Variants in RIOK1 observed in about 807,000 individuals in gnomAD.
RIOK1 encodes serine/threonine-protein kinase RIO1.
In RIOK1, 66 loss-of-function variants were observed where a neutral mutation model predicts 73.5. The observed-to-expected ratio is 0.90, with a 90% CI of 0.74 to 1.10. The LOEUF (loss-of-function observed/expected upper bound fraction) is 1.10, where lower values mean the gene tolerates loss of function less well. Ranked by LOEUF, RIOK1 falls within the 50% of genes least tolerant of loss-of-function variation. The probability of loss-of-function intolerance (pLI) is 0.00; values close to 1 mark genes in which losing one functional copy is unlikely to be tolerated. For synonymous variants in RIOK1, 224 were observed against 226.8 expected (o/e 0.99, Z 0.11); for missense variants, 658 against 699.8 (o/e 0.94, Z 0.67).
intron 1 of RIOK1, 129 bp from the exon 2 acceptor site, chr6:7,392,970 G>A: frequency 7.5e-7 from 1 of 1,326,070 alleles, no homozygotes; most frequent in Non-Finnish European, 9.7e-7. Context: ...TTATCGGAAG[G>A]TGTATTTTAT....
chr6:7,395,076 C>T lies in RIOK1; in HGVS notation c.300C>T (p.Ser100=). 1.9e-6 allele frequency: 3 copies of T among 1,613,864 alleles called. No homozygotes were observed. The highest frequency in any genetic ancestry group is 2.5e-6 in the Non-Finnish European group (3 of 1,179,788). The change falls in exon 3 of 17, where the codon AGC becomes AGT. Residue 100 remains serine (S), a synonymous_variant. Transcript: ENST00000379834. ...NPQANRQTSD[S]SSAKMSTPAD... Reference sequence around the variant, plus strand: ...AGGCAAATCGACAGACCTCCGACAGCAGTTCAGCCAAAATGTCTACTCCAG... The same window carrying T: ...AGGCAAATCGACAGACCTCCGACAGTAGTTCAGCCAAAATGTCTACTCCAG...
At chr6:7,404,241 T>C (rs539912286) in intron 9 of RIOK1, among the ~76,000 whole-genome samples, 177 bp from the exon 10 acceptor site, 3 of 152,220 alleles carry the variant, frequency 2.0e-5, no homozygotes, top group Non-Finnish European at 2.9e-5. Flanking sequence ...GGTGGTCTTA[T>C]ACAGTGTGTT....
chr6:7,398,775 A>G, intron 5 of RIOK1, 35 bp downstream of exon 5: 1 of 1,531,586 alleles, frequency 6.5e-7, no homozygotes. Context: ...TCTTCTTTTT[A>G]ATTAGCATTT....
rs1158743627 is a variant in RIOK1, at chr6:7,404,979, C to T, written c.1054C>T (p.His352Tyr). 1 of 1,614,210 alleles carries T rather than the reference C, an allele frequency of 6.2e-7. No homozygotes were observed. Among genetic ancestry groups the T allele is most frequent in the Non-Finnish European group, 8.5e-7 (1 of 1,180,026 alleles). Residue 352 changes from histidine (H) to tyrosine (Y), a missense_variant, in exon 11 of 17, where the codon CAT becomes TAT. By Grantham distance (83) the His-to-Tyr change is moderately conservative (BLOSUM62 2). Coordinates refer to ENST00000379834, the MANE Select transcript of RIOK1 (RefSeq NM_031480.3). ...VSQSVEHDHP[H>Y]ALEFLRKDCA... ...TCAGTCCGTGGAGCACGACCACCCA[C>T]ATGCCTTGGAGTTCTTGAGAAAGGA...
intron 7 of RIOK1, 24 bp from the exon 8 acceptor site, chr6:7,402,793 T>C: frequency 6.2e-7 from 1 of 1,605,338 alleles, no homozygotes; most frequent in Non-Finnish European, 8.5e-7. Context: ...ATGATTGAAA[T>C]AATAAACATT....
At chr6:7,398,609 G>T in intron 4 of RIOK1, 89 bp from the exon 5 acceptor site, 1 of 970,474 alleles carries the variant, frequency 1.0e-6, no homozygotes, top group Non-Finnish European at 1.6e-6. Flanking sequence ...ACCTACTTAG[G>T]AATTTTCATG....
intron 1 of RIOK1, among the ~76,000 whole-genome samples, chr6:7,391,605 A>G (rs920646810): frequency 2.0e-5 from 3 of 152,228 alleles, no homozygotes; most frequent in Non-Finnish European, 2.9e-5. Context: ...TTGTAAGGAT[A>G]CACCAGTGAT....
chr6:7,416,509 G>A (rs1171428021), intron 16 of RIOK1, among the ~76,000 whole-genome samples: 4 of 152,210 alleles, frequency 2.6e-5, no homozygotes, highest in Middle Eastern at 3.4e-3. Flanking sequence ...TTAGCCGGGC[G>A]TGGTGGCAGG....
At chr6:7,405,408 C>A in intron 12 of RIOK1, 53 bp downstream of exon 12, 2 of 1,058,140 alleles carry the variant, frequency 1.9e-6, no homozygotes, top group South Asian at 1.3e-5. Context: ...GGTGCAGTAT[C>A]TCTTATCTCA....
chr6:7,392,415 T>C (rs1310722518), intron 1 of RIOK1, among the ~76,000 whole-genome samples: 1 of 152,190 alleles, frequency 6.6e-6, no homozygotes, highest in East Asian at 1.9e-4. Flanking sequence ...TTGGATTTCT[T>C]TGTGGAACAC....
chr6:7,402,910 G>T lies in RIOK1; in HGVS notation c.767+13G>T. On this transcript the variant is annotated intron_variant, in intron 8 of 16. Coordinates refer to ENST00000379834, the MANE Select transcript of RIOK1 (RefSeq NM_031480.3). ...GGAACTTAATCAGGTGACTGTCTGG[G>T]ATGTGTGTATGTCTGTCCTATGCCC... 1.2e-6 allele frequency: 2 copies of T among 1,611,738 alleles called. No homozygotes were observed. Among genetic ancestry groups the T allele is most frequent in the Non-Finnish European group, 1.7e-6 (2 of 1,178,130 alleles).
chr6:7,416,627 G>A (rs1478713360), intron 16 of RIOK1, among the ~76,000 whole-genome samples: 5 of 139,410 alleles, frequency 3.6e-5, no homozygotes, highest in Non-Finnish European at 6.1e-5. Flanking sequence ...CAGCCTGGGC[G>A]ACAGAGACTC....
intron 12 of RIOK1, among the ~76,000 whole-genome samples, chr6:7,409,213 TTGTGTG>T (rs58234662): frequency 0.19 from 16,808 of 88,224 alleles, 1,289 homozygotes; most frequent in East Asian, 0.29. Flanking sequence ...TCCCGACTAA[TTGTGTG>T]TGTGTGTGTG....
At position 7,402,691 on chromosome 6, in the gene RIOK1, A is replaced by T; in HGVS notation, c.662A>T (p.Asp221Val). 1.2e-6 allele frequency: 2 copies of T among 1,611,712 alleles called. No individual in the cohort carries two copies. Among genetic ancestry groups the T allele is most frequent in the Non-Finnish European group, 1.7e-6 (2 of 1,178,454 alleles). Residue 221 changes from aspartate to valine, a missense_variant, in exon 7 of 17, where the codon GAT (aspartate) becomes GTT (valine). Physicochemically the swap from Asp to Val is radical, Grantham distance 152. Coordinates refer to ENST00000379834, the MANE Select transcript of RIOK1 (RefSeq NM_031480.3). ...TCTATTTTGGTGTTCAAAGATCGGG[A>T]TAAATATGTAAGTGGAGAATTCAGG... is the stretch of plus-strand genomic sequence containing the variant. ...KTSILVFKDR[D>V]KYVSGEFRFR...
chr6:7,390,931 A>G (rs1761318939), intron 1 of RIOK1, among the ~76,000 whole-genome samples: 1 of 152,210 alleles, frequency 6.6e-6, no homozygotes, highest in African/African-American at 2.4e-5. Flanking sequence ...ACCAGTTCAA[A>G]AATAATAAGG....
chr6:7,390,194 T>A, intron 1 of RIOK1, 121 bp downstream of exon 1: 1 of 803,294 alleles, frequency 1.2e-6, no homozygotes, highest in Admixed American at 3.0e-5. Context: ...AGCGTCTCTC[T>A]TGACAACCCT....
chr6:7,398,383 A>G (rs529469986), intron 4 of RIOK1, among the ~76,000 whole-genome samples: 12 of 152,200 alleles, frequency 7.9e-5, no homozygotes, highest in African/African-American at 2.9e-4. Context: ...GACAGTACAA[A>G]TATACTCAAT....
At chr6:7,394,619 G>C (rs1236267782) in intron 2 of RIOK1, among the ~76,000 whole-genome samples, 1 of 152,200 alleles carries the variant, frequency 6.6e-6, no homozygotes. Flanking sequence ...ACCAGCGTAA[G>C]TGCTGAGCCT....
At chr6:7,398,014 C>T (rs1008112478) in intron 4 of RIOK1, among the ~76,000 whole-genome samples, 7 of 152,230 alleles carry the variant, frequency 4.6e-5, no homozygotes, top group Admixed American at 2.0e-4. Flanking sequence ...TGGCGGCGGG[C>T]GCCTGTAGTC....
Sources: gnomAD v4.1 joint callset for allele counts (sites outside exome capture counted in the v4.1 genomes callset) on GRCh38, gnomAD v4.1.1 for gene constraint, MANE v1.5 for transcripts, NCBI Gene and HGNC (gene_info 2026-07-23, HGNC 2026-07-21) for gene names.